Variants in CD2AP observed in about 807,000 individuals in gnomAD.
CD2AP encodes the protein CD2 associated protein, also known as CD2-associated protein.
In CD2AP, 46 loss-of-function variants were observed where a neutral mutation model predicts 85.1. The observed-to-expected ratio is 0.54, with a 90% CI of 0.43 to 0.69. The LOEUF (loss-of-function observed/expected upper bound fraction) is 0.69. CD2AP is among the 30% of genes least tolerant of loss of function. CD2AP has a pLI of 0.00. For synonymous variants in CD2AP, 255 were observed against 252.9 expected (o/e 1.01, Z -0.08); for missense variants, 769 against 729.5 (o/e 1.05, Z -0.62).
chr6:47,565,089 G>A (rs563375537), intron 5 of CD2AP, among the ~76,000 whole-genome samples: 4 of 152,138 alleles, frequency 2.6e-5, no homozygotes, highest in East Asian at 3.9e-4. Flanking sequence ...TATGGACAAT[G>A]TTGAGTCTTC....
intron 4 of CD2AP, among the ~76,000 whole-genome samples, chr6:47,545,609 C>T (rs576936201): frequency 5.2e-4 from 79 of 152,236 alleles, no homozygotes; most frequent in African/African-American, 1.8e-3. Context: ...TTCAATACCC[C>T]GCCCGCTGGT....
At chr6:47,521,832 G>A (rs7751712) in intron 2 of CD2AP, among the ~76,000 whole-genome samples, 144,808 of 152,064 alleles carry the variant, frequency 0.95, 69,335 homozygotes, top group East Asian at 1. Flanking sequence ...CCTGACCAAC[G>A]TGGAGAAATC....
At position 47,574,224 on chromosome 6, in the gene CD2AP, T is replaced by A. The variant is rs149993734; in HGVS notation, c.702T>A (p.Ser234Arg). ...AACTTCGGACAAGAACATCCAGTAGTGAAACAGAAGAGAAAAAACCAGAAA... is the reference window on the plus strand; with the variant it reads ...AACTTCGGACAAGAACATCCAGTAGAGAAACAGAAGAGAAAAAACCAGAAA... ...SVKLRTRTSSSETEEKKPEKP... is the reference protein window; with the variant it reads ...SVKLRTRTSSRETEEKKPEKP... The change falls in exon 6 of 18, where the codon AGT becomes AGA. Residue 234 changes from serine to arginine, a missense_variant. By Grantham distance (110) the Ser-to-Arg change is moderately radical. Coordinates refer to ENST00000359314, the MANE Select transcript of CD2AP (RefSeq NM_012120.3). The A allele has an allele frequency of 4.3e-5, 70 of 1,613,878 alleles. No individual in the cohort carries two copies. Among genetic ancestry groups the A allele is most frequent in the South Asian group, 7.7e-5 (7 of 91,080 alleles).
At chr6:47,501,935 A>T (rs193167351) in intron 1 of CD2AP, among the ~76,000 whole-genome samples, 1 of 152,190 alleles carries the variant, frequency 6.6e-6, no homozygotes, top group East Asian at 1.9e-4. Flanking sequence ...AGTAGTTTAG[A>T]ACTATATATA....
chr6:47,624,721 G>A lies in CD2AP; in HGVS notation c.*494G>A, dbSNP rs867559785. 443 of 120,108 alleles carry A rather than the reference G, an allele frequency of 3.7e-3. 2 individuals carry two copies. The highest frequency in any genetic ancestry group is 0.014 in the Middle Eastern group (3 of 222). 7.4% of individuals were successfully genotyped at this position (120,108 alleles called of 1,614,324 possible). On this transcript the variant is annotated 3_prime_UTR_variant, in exon 18 of 18. Coordinates refer to ENST00000359314, the MANE Select transcript of CD2AP (RefSeq NM_012120.3). ...TGTGTGTGTGTGTGTGTGTGTGTGT[G>A]TATATATATATATATATTTTTACTT...
intron 1 of CD2AP, among the ~76,000 whole-genome samples, chr6:47,478,585 CTCATCCCCTT>C: frequency 6.6e-6 from 1 of 152,320 alleles, no homozygotes; most frequent in Non-Finnish European, 1.5e-5. Context: ...CCTTCCCTTC[CTCATCCCCTT>C]GCTTCCCTCC....
At chr6:47,577,600 A>G (rs1045072518) in intron 8 of CD2AP, among the ~76,000 whole-genome samples, 1 of 152,246 alleles carries the variant, frequency 6.6e-6, no homozygotes, top group Non-Finnish European at 1.5e-5. Flanking sequence ...AACTTGGAAT[A>G]AATCCTAATG....
intron 1 of CD2AP, among the ~76,000 whole-genome samples, chr6:47,502,525 C>T (rs1289024285): frequency 3.5e-5 from 5 of 144,780 alleles, no homozygotes; most frequent in African/African-American, 1.0e-4. Flanking sequence ...GACGGAGTCT[C>T]GCTCTGTTGC....
At position 47,592,449 on chromosome 6, in the gene CD2AP, G is replaced by A. The variant is rs367905469; in HGVS notation, c.1109-3412G>A. ...GATTTGGCAATAGGTTTTTAGATAC[G>A]TGTGATATTGTGATCTAATAAGGAA... On this transcript the variant is annotated intron_variant, in intron 11 of 17. Coordinates refer to ENST00000359314, the MANE Select transcript of CD2AP (RefSeq NM_012120.3). Among the ~76,000 whole-genome samples the A allele has an allele frequency of 3.3e-5, 5 of 152,186 alleles. No individual in the cohort carries two copies. In the South Asian group the frequency reaches 8.3e-4, roughly 25 times the overall value.
At chr6:47,581,387 T>C (rs1768476009) in intron 10 of CD2AP, among the ~76,000 whole-genome samples, 1 of 152,186 alleles carries the variant, frequency 6.6e-6, no homozygotes, top group Non-Finnish European at 1.5e-5. Context: ...CTTCCATAAT[T>C]TTCGAATAAT....
In CD2AP at chr6:47,626,832, T is replaced by C. The variant is rs921782425; in HGVS notation, c.*2605T>C. On this transcript the variant is annotated 3_prime_UTR_variant, in exon 18 of 18. Coordinates refer to ENST00000359314, the MANE Select transcript of CD2AP (RefSeq NM_012120.3). ...ATGAGACAATCAGTTAAATCAGAAA[T>C]GAGAAGTATTATAATGTAAAGGCCT... 2.0e-5 allele frequency: 3 copies of C among 152,460 alleles called. No homozygotes were observed. Among genetic ancestry groups the C allele is most frequent in the East Asian group, 1.9e-4 (1 of 5,204 alleles). 9.4% of individuals were successfully genotyped at this position (152,460 alleles called of 1,614,324 possible). A position where few individuals can be genotyped will look rare whatever the true frequency, so the allele number is the denominator to read the frequency against.
At chr6:47,610,212 G>A (rs996597816) in intron 16 of CD2AP, among the ~76,000 whole-genome samples, 14 of 152,070 alleles carry the variant, frequency 9.2e-5, no homozygotes, top group Non-Finnish European at 1.6e-4. Flanking sequence ...TTATCTGTTG[G>A]TTTAGAGATG....
chr6:47,540,212 A>G (rs1767174524), intron 3 of CD2AP, among the ~76,000 whole-genome samples: 1 of 150,626 alleles, frequency 6.6e-6, no homozygotes, highest in Non-Finnish European at 1.5e-5. Context: ...AAAAAATACT[A>G]GTTACAGTGT....
At position 47,610,605 on chromosome 6, in the gene CD2AP, T is replaced by C. The variant is rs1263724465; in HGVS notation, c.1814+1301T>C. 2.0e-5 allele frequency among the ~76,000 whole-genome samples: 3 copies of C among 152,082 alleles called. No individual in the cohort carries two copies. The East Asian group carries it at 5.8e-4, about 29-fold the overall frequency. On this transcript the variant is annotated intron_variant, in intron 16 of 17. Transcript: ENST00000359314. The stretch of plus-strand genomic sequence containing the variant: ...AGTTTGCAGAACACTTTCACAGGTA[T>C]TCCTTAGAAATAAAAAATGTATCTT...
At chr6:47,585,518 C>G (rs906350669) in intron 11 of CD2AP, among the ~76,000 whole-genome samples, 2 of 152,144 alleles carry the variant, frequency 1.3e-5, no homozygotes, top group African/African-American at 2.4e-5. Flanking sequence ...AGCTTATTGT[C>G]TAGAAGCAGT....
At chr6:47,519,509 A>G (rs1229703588) in intron 2 of CD2AP, among the ~76,000 whole-genome samples, 1 of 152,194 alleles carries the variant, frequency 6.6e-6, no homozygotes, top group African/African-American at 2.4e-5. Context: ...CACTATATCC[A>G]CACAAGTACC....
intron 4 of CD2AP, among the ~76,000 whole-genome samples, chr6:47,549,476 A>T (rs910249875): frequency 6.6e-6 from 1 of 151,340 alleles, no homozygotes; most frequent in African/African-American, 2.4e-5. Flanking sequence ...AAAAAAAAAA[A>T]AAAATAAGAT....
chr6:47,595,361 G>C lies in CD2AP; in HGVS notation c.1109-500G>C, dbSNP rs567600985. Among the ~76,000 whole-genome samples the C allele has an allele frequency of 6.6e-4, 100 of 152,056 alleles. 1 individual carries two copies. The highest frequency in any genetic ancestry group is 1.4e-3 in the Admixed American group (22 of 15,256). ...CTATAATTCTCTCGTCTGTGGCTAA[G>C]CAGTCTTGCCCTAGTTTCTCTTAAC... On this transcript the variant is annotated intron_variant, in intron 11 of 17. Coordinates refer to ENST00000359314, the MANE Select transcript of CD2AP (RefSeq NM_012120.3).
At chr6:47,504,102 A>T (rs767002807) in intron 2 of CD2AP, among the ~76,000 whole-genome samples, 3 of 152,230 alleles carry the variant, frequency 2.0e-5, no homozygotes, top group Non-Finnish European at 4.4e-5. Flanking sequence ...TAGGGCTCTT[A>T]TCAATTACAA....
Sources: allele counts gnomAD v4.1 joint callset (sites outside exome capture counted in the v4.1 genomes callset), GRCh38; gene constraint gnomAD v4.1.1; transcripts MANE v1.5; gene names NCBI Gene and HGNC (gene_info 2026-07-23, HGNC 2026-07-21).